Variants in PTPRD observed in about 807,000 individuals in gnomAD.
PTPRD encodes the protein protein tyrosine phosphatase receptor type D.
Under a neutral mutation model 214.5 loss-of-function variants are expected in PTPRD, and 34 were observed. The ratio of observed to expected loss-of-function variants is 0.16; its 90% CI spans 0.12 to 0.21. The LOEUF is 0.21. Ranked by LOEUF, PTPRD falls within the 10% of genes least tolerant of loss-of-function variation. The pLI is 1.00. For missense variants in PTPRD, 2,545 were observed against 2,398.7 expected, an observed-to-expected ratio of 1.06 and a Z score of -1.27; for synonymous variants, 1,128 against 845.7, an observed-to-expected ratio of 1.33 and a Z score of -5.79.
At chr9:10,317,127 T>G (rs2096455892) in intron 3 of PTPRD, among the ~76,000 whole-genome samples, 1 of 151,922 alleles carries the variant, frequency 6.6e-6, no homozygotes, top group Non-Finnish European at 1.5e-5. Flanking sequence ...GCCTAACATT[T>G]TGAGCAATAT....
At chr9:9,196,945 A>G (rs2099938955) in intron 9 of PTPRD, among the ~76,000 whole-genome samples, 1 of 152,210 alleles carries the variant, frequency 6.6e-6, no homozygotes, top group African/African-American at 2.4e-5. Context: ...GACAAGGTCA[A>G]TCTTTGACCA....
chr9:8,676,166 T>A lies in PTPRD; in HGVS notation c.65-39322A>T, dbSNP rs186208378. ...TGCCTGGCATGTAAATCTCCATGCA[T>A]TTGTTTGCCTAGCTCACTTTCTAGA... On this transcript the variant is annotated intron_variant, in intron 12 of 45. Coordinates refer to ENST00000381196, the MANE Select transcript of PTPRD (RefSeq NM_002839.4). Among the ~76,000 whole-genome samples, 230 of 152,274 alleles carry A rather than the reference T, an allele frequency of 1.5e-3. 2 individuals carry two copies. The highest frequency in any genetic ancestry group is 5.3e-3 in the African/African-American group (220 of 41,562).
intron 11 of PTPRD, among the ~76,000 whole-genome samples, chr9:8,894,451 A>C (rs1237765682): frequency 2.1e-5 from 3 of 145,802 alleles, no homozygotes; most frequent in African/African-American, 7.3e-5. Flanking sequence ...ACACTGACAA[A>C]TACATATTGC....
rs796725862 is a variant in PTPRD, at chr9:9,413,308, G to T, written c.-236-15826C>A. Among the ~76,000 whole-genome samples, 678 of 148,982 alleles carry T rather than the reference G, an allele frequency of 4.6e-3. 3 individuals are homozygous for T. The highest frequency in any genetic ancestry group is 0.016 in the African/African-American group (639 of 40,468). On this transcript the variant is annotated intron_variant, in intron 8 of 45. Transcript: ENST00000381196. ...TTTTTGTATTTTTAGTAGAGACGGGGTTTCACCTTGTTAGCCAGGATGGTC... is the reference window on the plus strand; with the variant it reads ...TTTTTGTATTTTTAGTAGAGACGGGTTTTCACCTTGTTAGCCAGGATGGTC...
intron 3 of PTPRD, among the ~76,000 whole-genome samples, chr9:10,148,794 C>T (rs778377248): frequency 6.6e-6 from 1 of 152,120 alleles, no homozygotes; most frequent in Non-Finnish European, 1.5e-5. Flanking sequence ...TCTATGTATA[C>T]TTTAAAGCTC....
chr9:10,585,633 T>C (rs2073639539), intron 2 of PTPRD, among the ~76,000 whole-genome samples: 1 of 151,940 alleles, frequency 6.6e-6, no homozygotes, highest in Admixed American at 6.6e-5. Flanking sequence ...TTAAAAAATA[T>C]AGTGAAGGGG....
At chr9:9,605,838 T>C (rs1298805886) in intron 7 of PTPRD, among the ~76,000 whole-genome samples, 1 of 152,090 alleles carries the variant, frequency 6.6e-6, no homozygotes, top group African/African-American at 2.4e-5. Context: ...ATGATTTGCA[T>C]TACACGAATT....
intron 5 of PTPRD, among the ~76,000 whole-genome samples, chr9:9,925,711 C>G (rs992220433): frequency 6.6e-6 from 1 of 151,862 alleles, no homozygotes; most frequent in African/African-American, 2.4e-5. Flanking sequence ...CTTCTAATGT[C>G]GTGTCTCAAA....
chr9:8,985,710 G>A (rs1384148826), intron 11 of PTPRD, among the ~76,000 whole-genome samples: 1 of 151,374 alleles, frequency 6.6e-6, no homozygotes, highest in African/African-American at 2.4e-5. Context: ...GCTGTTTCCA[G>A]AACCCAACGT....
intron 12 of PTPRD, among the ~76,000 whole-genome samples, chr9:8,668,787 G>T (rs758448786): frequency 6.6e-6 from 1 of 152,168 alleles, no homozygotes; most frequent in Non-Finnish European, 1.5e-5. Flanking sequence ...GATTTTCTTA[G>T]TCTCAAAATT....
At chr9:10,528,720 A>T (rs1445985498) in intron 2 of PTPRD, among the ~76,000 whole-genome samples, 1 of 152,156 alleles carries the variant, frequency 6.6e-6, no homozygotes, top group African/African-American at 2.4e-5. Flanking sequence ...TTGCTTGTAT[A>T]ATCCTGACTT....
intron 11 of PTPRD, among the ~76,000 whole-genome samples, chr9:8,906,933 C>A (rs918211882): frequency 6.6e-6 from 1 of 152,046 alleles, no homozygotes; most frequent in Non-Finnish European, 1.5e-5. Flanking sequence ...CCATCCATCA[C>A]TGATTGCCTG....
intron 3 of PTPRD, among the ~76,000 whole-genome samples, chr9:10,256,650 T>C (rs1672612055): frequency 6.6e-6 from 1 of 152,198 alleles, no homozygotes; most frequent in Non-Finnish European, 1.5e-5. Flanking sequence ...TAATCAGTTA[T>C]CAGATAACTG....
intron 39 of PTPRD, among the ~76,000 whole-genome samples, chr9:8,358,139 A>T (rs1035151169): frequency 6.6e-6 from 1 of 152,176 alleles, no homozygotes; most frequent in Non-Finnish European, 1.5e-5. Flanking sequence ...GCATAGTTCT[A>T]AGGGAGGATG....
In PTPRD at chr9:8,485,615, C is replaced by T. The variant is rs143828735; in HGVS notation, c.3055+147G>A. ...TAACTGAAATCTAAGGCATCCAAGA[C>T]GTAGTAAGTTTTACATACTTTACCT... On this transcript the variant is annotated intron_variant, in intron 28 of 45. Transcript: ENST00000381196. 1.5e-4 allele frequency: 109 copies of T among 738,654 alleles called. 1 individual carries two copies. Among genetic ancestry groups the T allele is most frequent in the South Asian group, 3.7e-4 (19 of 51,382 alleles). The allele number at this position is 738,654 out of a possible 1,614,324, so 45.8% of individuals were successfully genotyped here. A position where few individuals can be genotyped will look rare whatever the true frequency, so the allele number is the denominator to read the frequency against.
intron 3 of PTPRD, among the ~76,000 whole-genome samples, chr9:10,202,577 T>C (rs1207339825): frequency 6.7e-6 from 1 of 150,236 alleles, no homozygotes; most frequent in Non-Finnish European, 1.5e-5. Context: ...CTATGTTTCA[T>C]GATTTAAATA....
chr9:10,511,893 C>T (rs1390227252), intron 2 of PTPRD, among the ~76,000 whole-genome samples: 6 of 130,694 alleles, frequency 4.6e-5, no homozygotes, highest in Admixed American at 1.5e-4. Context: ...TACACACACA[C>T]ATATATATAC....
chr9:9,415,900 AG>A (rs1189717313), intron 8 of PTPRD, among the ~76,000 whole-genome samples: 2 of 152,140 alleles, frequency 1.3e-5, no homozygotes, highest in African/African-American at 4.8e-5. Flanking sequence ...TTTTCCAGGG[AG>A]GACAGAGCAT....
chr9:10,263,195 G>C (rs773979450), intron 3 of PTPRD, among the ~76,000 whole-genome samples: 11 of 152,140 alleles, frequency 7.2e-5, no homozygotes, highest in Non-Finnish European at 1.0e-4. Context: ...CAGTAAATTG[G>C]TACCAGTAGA....
Sources: gnomAD v4.1 joint callset for allele counts (sites outside exome capture counted in the v4.1 genomes callset) on GRCh38, gnomAD v4.1.1 for gene constraint, MANE v1.5 for transcripts, NCBI Gene and HGNC (gene_info 2026-07-23, HGNC 2026-07-21) for gene names.